CDC14B: variants seen among roughly 807,000 people sequenced by gnomAD.
CDC14B encodes dual specificity protein phosphatase CDC14B.
Under a neutral mutation model 64.2 loss-of-function variants are expected in CDC14B, and 22 were observed. That is an observed-to-expected ratio of 0.34 (90% CI 0.24 to 0.49). CDC14B has a LOEUF of 0.49. CDC14B is among the 20% of genes least tolerant of loss of function. CDC14B has a pLI of 0.99. For synonymous variants in CDC14B, 191 were observed against 215.8 expected, an observed-to-expected ratio of 0.89 and a Z score of 1.01; for missense variants, 498 against 629.9, an observed-to-expected ratio of 0.79 and a Z score of 2.24.
intron 1 of CDC14B, among the ~76,000 whole-genome samples, chr9:96,604,663 T>C (rs1247386836): frequency 6.6e-6 from 1 of 150,918 alleles, no homozygotes; most frequent in Non-Finnish European, 1.5e-5. Context: ...TGGCCTTTTT[T>C]TTTGCGGGGG....
At chr9:96,571,489 T>C (rs1230356541) in intron 1 of CDC14B, among the ~76,000 whole-genome samples, 1 of 152,138 alleles carries the variant, frequency 6.6e-6, no homozygotes, top group Non-Finnish European at 1.5e-5. Context: ...TGAATAATTT[T>C]ATAATTTAAC....
At chr9:96,521,440 G>A (rs1442899114) in intron 12 of CDC14B, among the ~76,000 whole-genome samples, 6 of 152,140 alleles carry the variant, frequency 3.9e-5, no homozygotes, top group African/African-American at 1.2e-4. Context: ...CAAAAGAAAT[G>A]CTTAATAAAT....
chr9:96,530,972 C>G, intron 9 of CDC14B, among the ~76,000 whole-genome samples: 1 of 152,144 alleles, frequency 6.6e-6, no homozygotes, highest in East Asian at 1.9e-4. Flanking sequence ...ATATGTTGAA[C>G]CACTCTTGTA....
chr9:96,555,364 G>A (rs960369782), intron 4 of CDC14B, among the ~76,000 whole-genome samples: 2 of 152,176 alleles, frequency 1.3e-5, no homozygotes, highest in Admixed American at 6.5e-5. Context: ...GCCAGCAATC[G>A]GCACTAACCT....
chr9:96,548,684 G>T (rs1213094756), intron 5 of CDC14B, among the ~76,000 whole-genome samples: 3 of 151,894 alleles, frequency 2.0e-5, no homozygotes, highest in African/African-American at 7.3e-5. Context: ...GGGCATGGTG[G>T]CATCTGCTCT....
chr9:96,496,144 C>T (rs193050795), downstream of CDC14B: 22 of 373,204 alleles, frequency 5.9e-5, no homozygotes, highest in East Asian at 1.6e-3. Flanking sequence ...AGGCCGAGGC[C>T]CACCTAAAGG....
chr9:96,517,643 CAAAAAA>C (rs1016405679), intron 12 of CDC14B, among the ~76,000 whole-genome samples: 7 of 34,638 alleles, frequency 2.0e-4, no homozygotes, highest in African/African-American at 7.3e-4. Context: ...GACTCCGTCT[CAAAAAA>C]AAAAAAAAAA....
chr9:96,530,138 G>GT (rs1427734656), intron 9 of CDC14B, among the ~76,000 whole-genome samples: 9 of 152,094 alleles, frequency 5.9e-5, no homozygotes, highest in Non-Finnish European at 1.2e-4. Flanking sequence ...AAATGAAACT[G>GT]TATTCTTAGT....
At chr9:96,567,905 T>G (rs548578262) in intron 1 of CDC14B, among the ~76,000 whole-genome samples, 25 of 152,326 alleles carry the variant, frequency 1.6e-4, no homozygotes, top group African/African-American at 5.3e-4. Context: ...ATTGCCTGCC[T>G]GTATCAAAAC....
chr9:96,551,963 C>A (rs1841900757), intron 4 of CDC14B, 91 bp from the exon 5 acceptor site: 4 of 1,482,628 alleles, frequency 2.7e-6, no homozygotes, highest in Non-Finnish European at 3.6e-6. Flanking sequence ...AATTTCCAAC[C>A]AACTGAGCAG....
At chr9:96,583,370 TTTATTATTATTATTATTA>T (rs60483659) in intron 1 of CDC14B, among the ~76,000 whole-genome samples, 5 of 139,104 alleles carry the variant, frequency 3.6e-5, no homozygotes, top group Admixed American at 7.4e-5. Flanking sequence ...GTTGTATTTA[TTTATTATTATTATTATTA>T]TTATTATTAT....
At chr9:96,535,152 A>G (rs1426582841) in intron 7 of CDC14B, among the ~76,000 whole-genome samples, 3 of 152,120 alleles carry the variant, frequency 2.0e-5, no homozygotes, top group Non-Finnish European at 4.4e-5. Context: ...ACTAAAAACT[A>G]CAAAATTAGC....
chr9:96,560,419 C>T (rs559638071), intron 4 of CDC14B, among the ~76,000 whole-genome samples: 67 of 152,300 alleles, frequency 4.4e-4, no homozygotes, highest in African/African-American at 1.6e-3. Flanking sequence ...CTCAAGAATT[C>T]TGGCTGAATT....
chr9:96,496,103 G>T (rs771785128), downstream of CDC14B: 228 of 355,422 alleles, frequency 6.4e-4, no homozygotes, highest in Admixed American at 1.2e-3. Flanking sequence ...ATCCCAGGGT[G>T]GGTGTCAGCC....
At chr9:96,506,155 G>A (rs868103881) in intron 13 of CDC14B, among the ~76,000 whole-genome samples, 1 of 152,280 alleles carries the variant, frequency 6.6e-6, no homozygotes, top group Middle Eastern at 3.4e-3. Flanking sequence ...TACGTTGCAG[G>A]TAGGGATGAA....
At chr9:96,511,306 C>T (rs1053420278) in intron 12 of CDC14B, among the ~76,000 whole-genome samples, 1 of 152,226 alleles carries the variant, frequency 6.6e-6, no homozygotes, top group Non-Finnish European at 1.5e-5. Context: ...GGCACGGTGG[C>T]TCACACCTGT....
chr9:96,555,633 C>T (rs1842409905), intron 4 of CDC14B, among the ~76,000 whole-genome samples: 1 of 152,196 alleles, frequency 6.6e-6, no homozygotes, highest in Non-Finnish European at 1.5e-5. Flanking sequence ...TAGACAAATA[C>T]ATGAGGCGTA....
At chr9:96,585,062 T>G (rs1845380661) in intron 1 of CDC14B, among the ~76,000 whole-genome samples, 1 of 152,180 alleles carries the variant, frequency 6.6e-6, no homozygotes, top group South Asian at 2.1e-4. Flanking sequence ...CTAACATTAT[T>G]TAGGACATTC....
chr9:96,618,476 C>G (rs1484190438), intron 1 of CDC14B: 1 of 533,260 alleles, frequency 1.9e-6, no homozygotes, highest in South Asian at 1.4e-5. Flanking sequence ...GAACAGCTAT[C>G]GAAGGGCTGC....
Sources: allele counts gnomAD v4.1 joint callset (sites outside exome capture counted in the v4.1 genomes callset), GRCh38; gene constraint gnomAD v4.1.1; transcripts MANE v1.5; gene names NCBI Gene and HGNC (gene_info 2026-07-23, HGNC 2026-07-21).